RASA1: variants seen among roughly 807,000 people sequenced by gnomAD.
The protein encoded by RASA1 is RAS p21 protein activator 1.
In RASA1, 25 loss-of-function variants were observed where a neutral mutation model predicts 132.2. The observed-to-expected ratio is 0.19, with a 90% CI of 0.14 to 0.26. RASA1 has a LOEUF of 0.26. Among genes scored for constraint, RASA1 ranks in the 10% least tolerant of loss-of-function variants. RASA1 has a pLI of 1.00. For missense variants in RASA1, 964 were observed against 1,299.2 expected (o/e 0.74, Z 3.97); for synonymous variants, 477 against 449.9 (o/e 1.06, Z -0.76).
chr5:87,271,410 T>C (rs1009163467), intron 1 of RASA1, among the ~76,000 whole-genome samples: 7 of 151,258 alleles, frequency 4.6e-5, no homozygotes, highest in Non-Finnish European at 1.0e-4. Context: ...ATTAGGTATA[T>C]TTAGGATATT....
chr5:87,337,929 A>G (rs772833854), intron 4 of RASA1, 45 bp from the exon 5 acceptor site: 1 of 1,529,774 alleles, frequency 6.5e-7, no homozygotes, highest in South Asian at 1.2e-5. Context: ...TAATCTCTGT[A>G]TTTAAAATTT....
At chr5:87,320,447 A>G (rs550584593) in intron 1 of RASA1, among the ~76,000 whole-genome samples, 4 of 152,346 alleles carry the variant, frequency 2.6e-5, no homozygotes, top group African/African-American at 9.6e-5. Flanking sequence ...ACAGTTCTGT[A>G]GGCTGTACAG....
rs1761769865 is a variant in RASA1 at position 87,382,236 on chromosome 5, C to T, written c.2691-1477C>T. On this transcript the variant is annotated intron_variant, in intron 20 of 24. Coordinates refer to ENST00000274376, the MANE Select transcript of RASA1 (RefSeq NM_002890.3). The stretch of plus-strand genomic sequence containing the variant: ...CAAAGTGTTGGATTACAGGCATGAG[C>T]CACCATGCCCAGCCAATATATTAGA... 1.3e-5 allele frequency among the ~76,000 whole-genome samples: 2 copies of T among 152,174 alleles called. 1 individual carries two copies. The highest frequency in any genetic ancestry group is 4.1e-4 in the South Asian group (2 of 4,828).
intron 1 of RASA1, among the ~76,000 whole-genome samples, chr5:87,274,164 G>A (rs966181319): frequency 1.3e-5 from 2 of 152,128 alleles, no homozygotes; most frequent in Admixed American, 6.6e-5. Context: ...GTCTCCACCA[G>A]GTCTGCTTTG....
chr5:87,373,631 C>CT (rs1444182376), intron 13 of RASA1, among the ~76,000 whole-genome samples: 2 of 152,078 alleles, frequency 1.3e-5, no homozygotes, highest in Admixed American at 6.6e-5. Context: ...GGTGGATGGT[C>CT]TAAGTTTTGG....
At chr5:87,274,627 A>G (rs982050046) in intron 1 of RASA1, among the ~76,000 whole-genome samples, 1 of 152,202 alleles carries the variant, frequency 6.6e-6, no homozygotes, top group Admixed American at 6.5e-5. Flanking sequence ...GTAGGAAATT[A>G]AGTAAACCAA....
At chr5:87,341,453 C>T in intron 6 of RASA1, 132 bp downstream of exon 6, 1 of 456,970 alleles carries the variant, frequency 2.2e-6, no homozygotes, top group Non-Finnish European at 3.6e-6. Context: ...GCTTAGGGAA[C>T]TGATTTCTAA....
chr5:87,343,487 A>G (rs1373950068), intron 6 of RASA1, among the ~76,000 whole-genome samples: 1 of 152,188 alleles, frequency 6.6e-6, no homozygotes, highest in East Asian at 1.9e-4. Context: ...ATTACTAATC[A>G]TCAGATAAAT....
In RASA1 at chr5:87,378,511, G is replaced by A. The variant is rs1483075502; in HGVS notation, c.2460G>A (p.Lys820=). The change falls in exon 18 of 25, where the codon AAG becomes AAA. Residue 820 remains lysine (K), a synonymous_variant. Transcript: ENST00000274376. ...ATGCTTTGAAAGACTCTATTTTAAAGATAATGGAAAGCAAGCAGTCTTGTG... is the reference window on the plus strand; with the variant it reads ...ATGCTTTGAAAGACTCTATTTTAAAAATAATGGAAAGCAAGCAGTCTTGTG... ...VHHALKDSIL[K]IMESKQSCEL... 1 of 1,611,664 alleles carries A rather than the reference G, an allele frequency of 6.2e-7. No homozygotes were observed. The highest frequency in any genetic ancestry group is 8.5e-7 in the Non-Finnish European group (1 of 1,177,882).
chr5:87,362,430 G>A, intron 9 of RASA1, 121 bp from the exon 10 acceptor site: 1 of 931,088 alleles, frequency 1.1e-6, no homozygotes, highest in Non-Finnish European at 1.6e-6. Flanking sequence ...TCATTTATGT[G>A]TTATGTGTAT....
chr5:87,278,707 T>G (rs900393983), intron 1 of RASA1, among the ~76,000 whole-genome samples: 11 of 152,140 alleles, frequency 7.2e-5, no homozygotes, highest in Admixed American at 7.2e-4. Flanking sequence ...TTTACATATA[T>G]TCATTTGTGT....
rs1255874372 is a variant in RASA1, at chr5:87,374,271, C to T, written c.1885C>T (p.His629Tyr). ...YLNSVQVAKT[H>Y]AREGQNPVWS... ...GAATAGTGTCCAAGTAGCAAAAACT[C>T]ATGCAAGGGAAGGGCAAAACCCAGT... is the stretch of plus-strand genomic sequence containing the variant. The change falls in exon 14 of 25, where the codon CAT becomes TAT. Residue 629 changes from histidine to tyrosine, a missense_variant. This residue lies in a region of RASA1 where 346 missense variants were observed against 520.1 expected (regional missense o/e 0.67). Coordinates refer to ENST00000274376, the MANE Select transcript of RASA1 (RefSeq NM_002890.3). 1.2e-6 allele frequency: 2 copies of T among 1,604,364 alleles called. No individual in the cohort carries two copies. The highest frequency in any genetic ancestry group is 1.7e-6 in the Non-Finnish European group (2 of 1,174,500).
At chr5:87,282,205 G>A (rs1320368251) in intron 1 of RASA1, among the ~76,000 whole-genome samples, 1 of 151,882 alleles carries the variant, frequency 6.6e-6, no homozygotes, top group Admixed American at 6.6e-5. Context: ...GGTGTTTCAA[G>A]ATTCCTTCTT....
chr5:87,306,808 T>G (rs1370419452), intron 1 of RASA1, among the ~76,000 whole-genome samples: 1 of 152,156 alleles, frequency 6.6e-6, no homozygotes, highest in African/African-American at 2.4e-5. Context: ...TTTTGTTCTA[T>G]TCTCTATTGC....
chr5:87,390,717 C>T (rs145007526), intron 24 of RASA1, 83 bp from the exon 25 acceptor site: 4 of 1,111,312 alleles, frequency 3.6e-6, no homozygotes, highest in East Asian at 5.0e-5. Flanking sequence ...TGCTTTGATA[C>T]AGTTTTTTTC....
rs772260018 is a variant in RASA1, at chr5:87,374,334, T to C, written c.1934+14T>C. 6.3e-7 allele frequency: 1 copy of C among 1,594,310 alleles called. No individual in the cohort carries two copies. Among genetic ancestry groups the C allele is most frequent in the Non-Finnish European group, 8.6e-7 (1 of 1,167,194 alleles). On this transcript the variant is annotated intron_variant, in intron 14 of 24. Transcript: ENST00000274376. ...GTTTGTCTTTGAGTAAGTCTTATTT[T>C]ATCATTACATTAATCATTTTCTTTT... is the stretch of plus-strand genomic sequence containing the variant.
intron 9 of RASA1, among the ~76,000 whole-genome samples, chr5:87,362,041 T>G (rs1441883965): frequency 6.6e-6 from 1 of 152,114 alleles, no homozygotes; most frequent in Non-Finnish European, 1.5e-5. Context: ...ACACACTTAG[T>G]GGATTGAGGG....
chr5:87,281,035 T>C (rs2112245315), intron 1 of RASA1, among the ~76,000 whole-genome samples: 1 of 152,292 alleles, frequency 6.6e-6, no homozygotes, highest in African/African-American at 2.4e-5. Flanking sequence ...TGGCTATGGT[T>C]CCCAGTGTGC....
At chr5:87,389,673 A>T in intron 24 of RASA1, 146 bp downstream of exon 24, 1 of 1,114,170 alleles carries the variant, frequency 9.0e-7, no homozygotes, top group South Asian at 1.4e-5. Flanking sequence ...ATCTCAGCAG[A>T]CAGAAATAAC....
Sources: allele counts gnomAD v4.1 joint callset (sites outside exome capture counted in the v4.1 genomes callset), GRCh38; gene constraint gnomAD v4.1.1; regional missense constraint gnomAD v4.1.1; transcripts MANE v1.5; gene names NCBI Gene and HGNC (gene_info 2026-07-23, HGNC 2026-07-21).